LHFPL3: variants seen among roughly 807,000 people sequenced by gnomAD.
LHFPL3 encodes the protein LHFPL tetraspan subfamily member 3.
Under a neutral mutation model 19.3 loss-of-function variants are expected in LHFPL3, and 5 were observed. The observed-to-expected ratio is 0.26, with a 90% CI of 0.14 to 0.54. LHFPL3 has a LOEUF of 0.54. Among genes scored for constraint, LHFPL3 ranks in the 20% least tolerant of loss-of-function variants. LHFPL3 has a pLI of 0.94. For missense variants in LHFPL3, 249 were observed against 307.4 expected, an observed-to-expected ratio of 0.81 and a Z score of 1.42; for synonymous variants, 133 against 126.2, an observed-to-expected ratio of 1.05 and a Z score of -0.36.
At chr7:104,641,918 C>A (rs955831263) in intron 1 of LHFPL3, among the ~76,000 whole-genome samples, 1 of 151,998 alleles carries the variant, frequency 6.6e-6, no homozygotes. Flanking sequence ...GTTATCTATA[C>A]CTCAAAATAG....
intron 1 of LHFPL3, among the ~76,000 whole-genome samples, chr7:104,379,185 C>T (rs1185783221): frequency 6.6e-6 from 1 of 152,226 alleles, no homozygotes; most frequent in Non-Finnish European, 1.5e-5. Flanking sequence ...TAACCAGGTC[C>T]ACTTCTAGGG....
intron 1 of LHFPL3, among the ~76,000 whole-genome samples, chr7:104,719,581 A>T (rs1793449163): frequency 1.3e-5 from 2 of 152,330 alleles, no homozygotes; most frequent in Middle Eastern, 3.4e-3. Context: ...ATTAGGTGAA[A>T]TTCTAGTGTA....
chr7:104,542,433 G>T (rs1470689015), intron 1 of LHFPL3, among the ~76,000 whole-genome samples: 1 of 152,124 alleles, frequency 6.6e-6, no homozygotes, highest in African/African-American at 2.4e-5. Context: ...ATGAATGTAA[G>T]TAGGTGTGGG....
At chr7:104,780,275 A>G (rs1398653493) in intron 2 of LHFPL3, among the ~76,000 whole-genome samples, 1 of 152,168 alleles carries the variant, frequency 6.6e-6, no homozygotes, top group Non-Finnish European at 1.5e-5. Context: ...AGAGACCCCG[A>G]CAGGATTCCC....
intron 1 of LHFPL3, among the ~76,000 whole-genome samples, chr7:104,458,481 G>A (rs1363204881): frequency 6.6e-6 from 1 of 152,084 alleles, no homozygotes; most frequent in African/African-American, 2.4e-5. Context: ...CTATACCTCT[G>A]TTTTGGTACC....
chr7:104,451,611 C>A (rs1792440694), intron 1 of LHFPL3, among the ~76,000 whole-genome samples: 1 of 102,810 alleles, frequency 9.7e-6, no homozygotes, highest in Non-Finnish European at 2.4e-5. Context: ...TAAAAACATC[C>A]TTTTTTCTTC....
chr7:104,626,920 C>T (rs891167718), intron 1 of LHFPL3, among the ~76,000 whole-genome samples: 2 of 152,032 alleles, frequency 1.3e-5, no homozygotes, highest in African/African-American at 4.8e-5. Context: ...TATATATAGA[C>T]CTTGTGGAGT....
In LHFPL3 at chr7:104,328,788, AGCCGCC is replaced by A; in HGVS notation, c.15_20del (p.Ala13_Ala14del). The A allele has an allele frequency of 1.9e-6, 3 of 1,593,300 alleles. No homozygotes were observed. The highest frequency in any genetic ancestry group is 1.7e-5 in the Admixed American group (1 of 57,244). ...GGAGGAGGAGGGGGAGAATGCCCGG[AGCCGCC>A]GCCGCTGCCGCCGCCGCCGCCGCCG... On this transcript the variant is annotated inframe_deletion, in exon 1 of 3. Transcript: ENST00000424859. This position sits in a 1 kb window ranked among gnomAD's most constrained non-coding sequence, Gnocchi z 4.6.
chr7:104,696,445 G>T (rs975092980), intron 1 of LHFPL3, among the ~76,000 whole-genome samples: 8 of 149,956 alleles, frequency 5.3e-5, no homozygotes, highest in African/African-American at 2.0e-4. Flanking sequence ...AGTGTTACTA[G>T]GTGTGTGTGT....
chr7:104,588,663 G>C (rs1487955367), intron 1 of LHFPL3, among the ~76,000 whole-genome samples: 2 of 152,270 alleles, frequency 1.3e-5, no homozygotes, highest in East Asian at 3.9e-4. Context: ...GAAAGTCATT[G>C]GTAGCTTGAT....
intron 1 of LHFPL3, among the ~76,000 whole-genome samples, chr7:104,368,677 G>GT (rs1554382287): frequency 3.4e-5 from 5 of 146,516 alleles, no homozygotes; most frequent in East Asian, 2.0e-4. Context: ...GTGTGTGTGT[G>GT]TGTTGTTTTG....
chr7:104,752,202 T>C (rs991751422), intron 2 of LHFPL3, among the ~76,000 whole-genome samples: 17 of 152,098 alleles, frequency 1.1e-4, no homozygotes, highest in Non-Finnish European at 1.8e-4. Context: ...AATTTTAACG[T>C]TTCAGGATAT....
intron 2 of LHFPL3, among the ~76,000 whole-genome samples, chr7:104,798,833 C>T (rs959191813): frequency 1.3e-5 from 2 of 152,002 alleles, no homozygotes; most frequent in Non-Finnish European, 2.9e-5. Flanking sequence ...TTAAAACTAC[C>T]TCATGTTTTT....
intron 2 of LHFPL3, among the ~76,000 whole-genome samples, chr7:104,871,267 A>G (rs376979005): frequency 5.8e-4 from 89 of 152,342 alleles, no homozygotes; most frequent in African/African-American, 2.0e-3. Flanking sequence ...ACTGTATGCA[A>G]TTGTAACACA....
At chr7:104,614,224 C>A (rs1298002216) in intron 1 of LHFPL3, among the ~76,000 whole-genome samples, 1 of 152,058 alleles carries the variant, frequency 6.6e-6, no homozygotes, top group Non-Finnish European at 1.5e-5. Flanking sequence ...TGGTCAGGGC[C>A]TTTCTGTCTG....
At chr7:104,679,864 C>T (rs375027282) in intron 1 of LHFPL3, among the ~76,000 whole-genome samples, 3 of 152,166 alleles carry the variant, frequency 2.0e-5, no homozygotes, top group African/African-American at 4.8e-5. Flanking sequence ...GGGAAGAGAG[C>T]GACACGCATA....
chr7:104,437,140 A>C lies in LHFPL3; in HGVS notation c.445+107916A>C, dbSNP rs111975491. Among the ~76,000 whole-genome samples the C allele has an allele frequency of 1.9e-3, 293 of 152,380 alleles. 4 individuals are homozygous for C. Among genetic ancestry groups the C allele is most frequent in the African/African-American group, 6.6e-3 (276 of 41,592 alleles). Reference sequence around the variant, plus strand: ...ATTTATAACACTTGTCCTTTGTCAAAAAGTTGCAACATCTGTAAGTTAAAA... The same window carrying C: ...ATTTATAACACTTGTCCTTTGTCAACAAGTTGCAACATCTGTAAGTTAAAA... On this transcript the variant is annotated intron_variant, in intron 1 of 2. Transcript: ENST00000424859.
At chr7:104,798,580 C>A (rs559015252) in intron 2 of LHFPL3, among the ~76,000 whole-genome samples, 4 of 152,262 alleles carry the variant, frequency 2.6e-5, no homozygotes, top group South Asian at 2.1e-4. Context: ...AAGTTGGTAT[C>A]ATTTCACCTT....
chr7:104,883,417 A>G (rs1445874931), intron 2 of LHFPL3, among the ~76,000 whole-genome samples: 1 of 152,192 alleles, frequency 6.6e-6, no homozygotes, highest in Non-Finnish European at 1.5e-5. Flanking sequence ...TGCATGATGA[A>G]TTGTATTATA....
Sources: gnomAD v4.1 joint callset for allele counts (sites outside exome capture counted in the v4.1 genomes callset) on GRCh38, gnomAD v4.1.1 for gene constraint, Gnocchi (gnomAD v3.1) non-coding constraint, MANE v1.5 for transcripts, NCBI Gene and HGNC (gene_info 2026-07-23, HGNC 2026-07-21) for gene names.